MICU3: variants seen among roughly 807,000 people sequenced by gnomAD.
MICU3 encodes mitochondrial calcium uptake 3.
A neutral mutation model predicts 66.5 loss-of-function variants in MICU3; 62 were observed. That is an observed-to-expected ratio of 0.93 (90% CI 0.76 to 1.15). The LOEUF is 1.15. MICU3 is among the 50% of genes most tolerant of loss of function. MICU3 has a pLI of 0.00. For synonymous variants in MICU3, 308 were observed against 240.7 expected (o/e 1.28, Z -2.59); for missense variants, 779 against 664.4 (o/e 1.17, Z -1.90).
At chr8:17,034,289 A>C (rs1190988236) in intron 1 of MICU3, among the ~76,000 whole-genome samples, 1 of 152,204 alleles carries the variant, frequency 6.6e-6, no homozygotes, top group Non-Finnish European at 1.5e-5. Flanking sequence ...ATTCAGTTGA[A>C]AATATTACTG....
At chr8:17,128,229 T>TACACACAC in the MICU3 span, among the ~76,000 whole-genome samples, 140 of 144,544 alleles carry the variant, frequency 9.7e-4, no homozygotes, top group African/African-American at 3.1e-3. Context: ...GAGATCAGTG[T>TACACACAC]ACACACACAC....
intron 7 of MICU3, among the ~76,000 whole-genome samples, chr8:17,089,251 GAACT>G (rs1326830474): frequency 6.6e-6 from 1 of 151,776 alleles, no homozygotes; most frequent in Non-Finnish European, 1.5e-5. Flanking sequence ...TACAACTTTG[GAACT>G]AACAGCACTT....
chr8:17,105,390 T>A, intron 10 of MICU3, 23 bp from the exon 11 acceptor site: 1 of 1,409,740 alleles, frequency 7.1e-7, no homozygotes, highest in Non-Finnish European at 9.7e-7. Context: ...TCTTTTTCCT[T>A]CTTTATTACA....
Position 17,086,986 on chromosome 8 carries a change from A to C in MICU3, c.800A>C (p.Lys267Thr). ...CAGCTTCAAGAGATATTCAGGAAAAAAAATGAAAAGAGAGAAATTAAAGGA... is the reference window on the plus strand; with the variant it reads ...CAGCTTCAAGAGATATTCAGGAAAACAAATGAAAAGAGAGAAATTAAAGGA... ...FLVLQEIFRK[K>T]NEKREIKGDE... The change falls in exon 7 of 15, where the codon AAA (lysine) becomes ACA (threonine). Residue 267 changes from lysine to threonine, a missense_variant. By Grantham distance (78) the Lys-to-Thr change is moderately conservative. Coordinates refer to ENST00000318063, the MANE Select transcript of MICU3 (RefSeq NM_181723.3). 6.2e-7 allele frequency: 1 copy of C among 1,605,806 alleles called. No individual in the cohort carries two copies.
intron 2 of MICU3, among the ~76,000 whole-genome samples, chr8:17,068,111 C>T (rs1230359650): frequency 1.3e-5 from 2 of 151,964 alleles, no homozygotes; most frequent in African/African-American, 4.8e-5. Flanking sequence ...ATATAATGAA[C>T]ATCAACCTAC....
intron 13 of MICU3, among the ~76,000 whole-genome samples, chr8:17,117,607 C>CTTTT (rs1244315510): frequency 3.1e-5 from 4 of 129,444 alleles, no homozygotes; most frequent in Non-Finnish European, 4.9e-5. Flanking sequence ...AAGTTTTATC[C>CTTTT]TTTTTTTTTT....
At chr8:17,058,459 A>G (rs1319299992) in intron 1 of MICU3, among the ~76,000 whole-genome samples, 4 of 152,204 alleles carry the variant, frequency 2.6e-5, no homozygotes, top group African/African-American at 9.6e-5. Flanking sequence ...GATCATTGTC[A>G]TTTGTAAACA....
chr8:17,104,052 TA>T (rs919297006), intron 9 of MICU3, among the ~76,000 whole-genome samples: 7 of 152,024 alleles, frequency 4.6e-5, no homozygotes, highest in African/African-American at 1.7e-4. Context: ...TGAATAAAAA[TA>T]GAATATTTAG....
intron 11 of MICU3, among the ~76,000 whole-genome samples, chr8:17,111,800 C>T: frequency 6.6e-6 from 1 of 152,142 alleles, no homozygotes; most frequent in East Asian, 1.9e-4. Context: ...ATGATATTGA[C>T]ATCTATATTA....
At chr8:17,060,756 G>A (rs1224752840) in intron 1 of MICU3, among the ~76,000 whole-genome samples, 1 of 151,978 alleles carries the variant, frequency 6.6e-6, no homozygotes, top group East Asian at 1.9e-4. Context: ...TAAGCACCAG[G>A]CCTCTGGTTA....
chr8:17,053,987 TATAAATA>T (rs1816510169), intron 1 of MICU3, among the ~76,000 whole-genome samples: 1 of 152,214 alleles, frequency 6.6e-6, no homozygotes, highest in Non-Finnish European at 1.5e-5. Context: ...GCCTCACACT[TATAAATA>T]AGGTAAGTCA....
rs544676408 is a variant in MICU3 at position 17,064,654 on chromosome 8, A to G, written c.535+417A>G. ...TAGTTTCATTGTCTCTCACCTTTTCATATGTTAGAATAATGGTTCTCAAAA... is the reference window on the plus strand; with the variant it reads ...TAGTTTCATTGTCTCTCACCTTTTCGTATGTTAGAATAATGGTTCTCAAAA... On this transcript the variant is annotated intron_variant, in intron 2 of 14. Coordinates refer to ENST00000318063, the MANE Select transcript of MICU3 (RefSeq NM_181723.3). Among the ~76,000 whole-genome samples the G allele has an allele frequency of 5.3e-5, 8 of 152,194 alleles. No homozygotes were observed. In the South Asian group the frequency reaches 1.7e-3, roughly 32 times the overall value.
chr8:17,034,989 G>A (rs1399409887), intron 1 of MICU3, among the ~76,000 whole-genome samples: 1 of 152,222 alleles, frequency 6.6e-6, no homozygotes, highest in Non-Finnish European at 1.5e-5. Flanking sequence ...GAGGGACCCA[G>A]TGGGAGGTGA....
Position 17,105,031 on chromosome 8 carries a change from A to G in MICU3, c.1086-382A>G, listed in dbSNP as rs993991330. ...AAAAAAAAAAAAAAAAAAATTCCAG[A>G]TATCTGGATTGATTGTTATCTCTTG... On this transcript the variant is annotated intron_variant, in intron 10 of 14. Transcript: ENST00000318063. Among the ~76,000 whole-genome samples, 2 of 150,758 alleles carry G rather than the reference A, an allele frequency of 1.3e-5. 1 individual carries two copies. Among genetic ancestry groups the G allele is most frequent in the Non-Finnish European group, 3.0e-5 (2 of 67,536 alleles).
At position 17,122,192 on chromosome 8, in the gene MICU3, A is replaced by C. The variant is rs920976224; in HGVS notation, c.*1905A>C. On this transcript the variant is annotated 3_prime_UTR_variant, in exon 15 of 15. Coordinates refer to ENST00000318063, the MANE Select transcript of MICU3 (RefSeq NM_181723.3). ...TGGATGAAAACATTTGTAAGGCTGCAACATAATATTAAAATGTGAATAAAT... is the reference window on the plus strand; with the variant it reads ...TGGATGAAAACATTTGTAAGGCTGCCACATAATATTAAAATGTGAATAAAT... 1 of 151,882 alleles carries C rather than the reference A, an allele frequency of 6.6e-6. No individual in the cohort carries two copies. Among genetic ancestry groups the C allele is most frequent in the African/African-American group, 2.4e-5 (1 of 41,436 alleles). 9.4% of individuals were successfully genotyped at this position (151,882 alleles called of 1,614,324 possible). A position where few individuals can be genotyped will look rare whatever the true frequency, so the allele number is the denominator to read the frequency against.
intron 1 of MICU3, among the ~76,000 whole-genome samples, chr8:17,035,340 G>C (rs367924815): frequency 2.0e-4 from 31 of 152,324 alleles, no homozygotes; most frequent in African/African-American, 6.5e-4. Context: ...TTTGGAACTG[G>C]GTAATAGGCA....
chr8:17,122,287 TATC>T lies in MICU3; in HGVS notation c.*2004_*2006del, dbSNP rs1803249892. 1.3e-5 allele frequency: 2 copies of T among 151,906 alleles called. No homozygotes were observed. Among genetic ancestry groups the T allele is most frequent in the South Asian group, 2.1e-4 (1 of 4,836 alleles). 9.4% of individuals were successfully genotyped at this position (151,906 alleles called of 1,614,324 possible). A position where few individuals can be genotyped will look rare whatever the true frequency, so the allele number is the denominator to read the frequency against. On this transcript the variant is annotated 3_prime_UTR_variant, in exon 15 of 15. Coordinates refer to ENST00000318063, the MANE Select transcript of MICU3 (RefSeq NM_181723.3). ...CCATCATATTATCACTCTTGAATTT[TATC>T]ATCTATAAAATGAGAGATAAAAATA...
chr8:17,101,108 T>C (rs1260765974), intron 9 of MICU3, among the ~76,000 whole-genome samples: 1 of 151,854 alleles, frequency 6.6e-6, no homozygotes, highest in Non-Finnish European at 1.5e-5. Flanking sequence ...CTTTAATAGT[T>C]TGATATATTT....
intron 1 of MICU3, among the ~76,000 whole-genome samples, chr8:17,041,988 A>G (rs989948211): frequency 7.9e-5 from 12 of 152,242 alleles, no homozygotes; most frequent in Non-Finnish European, 1.8e-4. Context: ...CTAGAAAACC[A>G]TGAAATCTTT....
Sources: gnomAD v4.1 joint callset for allele counts (sites outside exome capture counted in the v4.1 genomes callset) on GRCh38, gnomAD v4.1.1 for gene constraint, MANE v1.5 for transcripts, NCBI Gene and HGNC (gene_info 2026-07-23, HGNC 2026-07-21) for gene names.